The following MYO1H variants were observed in gnomAD, a reference collection of about 807,000 sequenced individuals.
The protein encoded by MYO1H is unconventional myosin-Ih.
A neutral mutation model predicts 149.3 loss-of-function variants in MYO1H; 118 were observed. That is an observed-to-expected ratio of 0.79 (90% CI 0.68 to 0.92). The LOEUF is 0.92. MYO1H is among the 40% of genes least tolerant of loss of function. The probability of loss-of-function intolerance (pLI) is 0.00; values close to 1 mark genes in which losing one functional copy is unlikely to be tolerated. For missense variants in MYO1H, 1,212 were observed against 1,280.7 expected (o/e 0.95, Z 0.82); for synonymous variants, 447 against 465.2 (o/e 0.96, Z 0.50).
intron 1 of MYO1H, among the ~76,000 whole-genome samples, chr12:109,383,273 T>TA (rs1342564603): frequency 6.6e-6 from 1 of 152,304 alleles, no homozygotes; most frequent in East Asian, 1.9e-4. Context: ...CTTCTCCCCT[T>TA]AAAAAATAGC....
At chr12:109,391,095 C>T (rs1447562318) in intron 2 of MYO1H, among the ~76,000 whole-genome samples, 3 of 152,188 alleles carry the variant, frequency 2.0e-5, no homozygotes, top group Non-Finnish European at 2.9e-5. Flanking sequence ...CAACTTTTAA[C>T]TTCAGGGGTA....
upstream of MYO1H, among the ~76,000 whole-genome samples, chr12:109,346,097 C>T (rs143167146): frequency 2.0e-3 from 302 of 152,236 alleles, no homozygotes; most frequent in Middle Eastern, 6.8e-3. Flanking sequence ...ATTCAACCAA[C>T]CTTGGATCAA....
In MYO1H at chr12:109,393,115, C is replaced by T. The variant is rs182348761; in HGVS notation, c.175-216C>T. The stretch of plus-strand genomic sequence containing the variant: ...GATCCACCGCGCCCGGCCATGTACA[C>T]CTTTCTTAACACTGATCTCTTCCTG... On this transcript the variant is annotated intron_variant, in intron 2 of 31. Transcript: ENST00000310903. 7.9e-5 allele frequency among the ~76,000 whole-genome samples: 12 copies of T among 152,222 alleles called. No individual in the cohort carries two copies. The East Asian group carries it at 1.7e-3, about 22-fold the overall frequency.
chr12:109,417,275 G>A (rs1364170848), intron 15 of MYO1H, among the ~76,000 whole-genome samples: 2 of 152,156 alleles, frequency 1.3e-5, no homozygotes, highest in Admixed American at 1.3e-4. Flanking sequence ...AGCAGTATAT[G>A]AGGGGTTCCA....
rs1389473646 is a variant in MYO1H, at chr12:109,432,883, A to G, written c.1950-14A>G. On this transcript the variant is annotated splice_polypyrimidine_tract_variant and intron_variant, in intron 19 of 31. Transcript: ENST00000310903. Reference sequence around the variant, plus strand: ...GTACGGTCACAGCTTCTCCATGTCCATCTCCTCTCCTAGGTACAAGTCCTT... The same window carrying G: ...GTACGGTCACAGCTTCTCCATGTCCGTCTCCTCTCCTAGGTACAAGTCCTT... The G allele has an allele frequency of 6.2e-7, 1 of 1,610,586 alleles. No individual in the cohort carries two copies. Among genetic ancestry groups the G allele is most frequent in the African/African-American group, 1.3e-5 (1 of 74,846 alleles).
At chr12:109,320,394 G>C in the MYO1H span, among the ~76,000 whole-genome samples, 1 of 144,560 alleles carries the variant, frequency 6.9e-6, no homozygotes, top group African/African-American at 2.6e-5. Flanking sequence ...GGGATCACTT[G>C]AGGACAGGAG....
chr12:109,429,185 T>C (rs1158117494), intron 19 of MYO1H, among the ~76,000 whole-genome samples: 1 of 146,922 alleles, frequency 6.8e-6, no homozygotes, highest in Non-Finnish European at 1.5e-5. Context: ...CCAGCCTGGG[T>C]GATAGAATGA....
At chr12:109,395,649 C>A (rs565967528) in intron 3 of MYO1H, among the ~76,000 whole-genome samples, 10 of 151,792 alleles carry the variant, frequency 6.6e-5, no homozygotes, top group Admixed American at 4.6e-4. Context: ...GCATGAGAAT[C>A]GCTTGAACTT....
intron 9 of MYO1H, 46 bp downstream of exon 9, chr12:109,406,906 G>A: frequency 1.9e-6 from 3 of 1,547,048 alleles, no homozygotes; most frequent in Non-Finnish European, 2.7e-6. Flanking sequence ...CCCTGCTGCT[G>A]CTGCCTCCCT....
At chr12:109,443,070 ATATATGTG>A (rs1375174157) in intron 27 of MYO1H, among the ~76,000 whole-genome samples, 11 of 102,880 alleles carry the variant, frequency 1.1e-4, no homozygotes, top group Non-Finnish European at 1.8e-4. Flanking sequence ...GTATGTGTGT[ATATATGTG>A]TACGTATGTG....
At chr12:109,339,710 G>A in the MYO1H span, among the ~76,000 whole-genome samples, 1 of 152,134 alleles carries the variant, frequency 6.6e-6, no homozygotes, top group Admixed American at 6.5e-5. Flanking sequence ...GGGAGAGGAA[G>A]CCTTAAAGAT....
exon 32 of MYO1H, chr12:109,447,308 A>C: frequency 3.5e-6 from 3 of 845,826 alleles, no homozygotes; most frequent in Non-Finnish European, 6.0e-6. Context: ...CTAACAGATC[A>C]CATCTGAAGA....
At chr12:109,349,658 CAAAAA>C (rs398021025) in intron 1 of MYO1H, among the ~76,000 whole-genome samples, 4 of 120,404 alleles carry the variant, frequency 3.3e-5, no homozygotes, top group Non-Finnish European at 3.5e-5. Context: ...AACCCTGTCT[CAAAAA>C]AAAAAAAAAA....
rs1369843713 is a variant in MYO1H at position 109,400,500 on chromosome 12, G to A, written c.571-593G>A. 5.3e-5 allele frequency among the ~76,000 whole-genome samples: 8 copies of A among 152,048 alleles called. No homozygotes were observed. The East Asian group carries it at 5.8e-4, about 11-fold the overall frequency. On this transcript the variant is annotated intron_variant, in intron 5 of 31. Transcript: ENST00000310903. ...TCTTTTTCATTCAAGTCTTTTGCCC[G>A]TTTTTAATTGGGTTGTCAATTCTTT...
At chr12:109,384,535 G>A (rs966222449) in intron 1 of MYO1H, among the ~76,000 whole-genome samples, 1 of 152,004 alleles carries the variant, frequency 6.6e-6, no homozygotes, top group Non-Finnish European at 1.5e-5. Flanking sequence ...GATGGTCCAT[G>A]TCACTCTTAT....
At chr12:109,317,228 T>G in the MYO1H span, among the ~76,000 whole-genome samples, 5 of 152,232 alleles carry the variant, frequency 3.3e-5, no homozygotes, top group Non-Finnish European at 5.9e-5. Context: ...GGCACACTTA[T>G]ACGCACAATC....
At position 109,373,156 on chromosome 12, in the gene MYO1H, T is replaced by G. The variant is rs556542589; in HGVS notation, c.13-15527T>G. Among the ~76,000 whole-genome samples the G allele has an allele frequency of 8.8e-4, 134 of 152,258 alleles. 1 individual carries two copies. Among genetic ancestry groups the G allele is most frequent in the African/African-American group, 3.1e-3 (129 of 41,586 alleles). On this transcript the variant is annotated intron_variant, in intron 1 of 31. Coordinates refer to ENST00000310903, the Ensembl canonical transcript of MYO1H. Reference sequence around the variant, plus strand: ...ATAATGTTTGGATTTTCCTTGGAAATAGTAATCAGCAGATGCTTTTCTTCT... The same window carrying G: ...ATAATGTTTGGATTTTCCTTGGAAAGAGTAATCAGCAGATGCTTTTCTTCT...
Position 109,406,870 on chromosome 12 carries a change from G to A in MYO1H, c.1035+10G>A, listed in dbSNP as rs1041981449. The A allele has an allele frequency of 2.5e-6, 4 of 1,612,592 alleles. No individual in the cohort carries two copies. In the Admixed American group the frequency reaches 6.7e-5, roughly 27 times the overall value. On this transcript the variant is annotated intron_variant, in intron 9 of 31. Transcript: ENST00000310903. Reference sequence around the variant, plus strand: ...AGCCAAAACTGAGGAGGTAAAAATGGCTATAGGTGGAAATGTGCCAGCCCT... The same window carrying A: ...AGCCAAAACTGAGGAGGTAAAAATGACTATAGGTGGAAATGTGCCAGCCCT...
upstream of MYO1H, among the ~76,000 whole-genome samples, chr12:109,344,125 G>T (rs1022957967): frequency 1.2e-4 from 18 of 152,046 alleles, no homozygotes; most frequent in Admixed American, 1.2e-3. Flanking sequence ...TCATTATATT[G>T]GTGTTAGGGG....
Sources: gnomAD v4.1 joint callset for allele counts (sites outside exome capture counted in the v4.1 genomes callset) on GRCh38, gnomAD v4.1.1 for gene constraint, MANE v1.5 for transcripts, NCBI Gene and HGNC (gene_info 2026-07-23, HGNC 2026-07-21) for gene names.